SGCG: variants seen among roughly 807,000 people sequenced by gnomAD.
SGCG encodes gamma-sarcoglycan.
A neutral mutation model predicts 29.3 loss-of-function variants in SGCG; 26 were observed. The observed-to-expected ratio is 0.89, with a 90% CI of 0.65 to 1.23. The LOEUF is 1.23. Among genes scored for constraint, SGCG ranks in the 50% most tolerant of loss-of-function variants. The pLI, the probability that SGCG is intolerant of heterozygous loss-of-function variation, is 0.00. For synonymous variants in SGCG, 145 were observed against 129.7 expected (o/e 1.12, Z -0.80); for missense variants, 353 against 356.0 (o/e 0.99, Z 0.07).
intron 6 of SGCG, among the ~76,000 whole-genome samples, chr13:23,315,488 G>A (rs1359371746): frequency 6.6e-6 from 1 of 152,160 alleles, no homozygotes; most frequent in Admixed American, 6.5e-5. Flanking sequence ...ATGGCCTCAT[G>A]GGGAGTTCCC....
chr13:23,295,672 A>G (rs974249796), intron 6 of SGCG, among the ~76,000 whole-genome samples, 185 bp downstream of exon 6: 1 of 152,208 alleles, frequency 6.6e-6, no homozygotes, highest in Admixed American at 6.5e-5. Context: ...AAAAAGTCCT[A>G]CTGACTCCAC....
chr13:23,199,116 A>G (rs1185099305), intron 1 of SGCG, among the ~76,000 whole-genome samples: 1 of 152,090 alleles, frequency 6.6e-6, no homozygotes, highest in East Asian at 1.9e-4. Flanking sequence ...TCAAAAAAAA[A>G]AAAAAATTAA....
chr13:23,250,584 A>G, intron 3 of SGCG, 46 bp from the exon 4 acceptor site: 1 of 900,376 alleles, frequency 1.1e-6, no homozygotes, highest in Non-Finnish European at 1.9e-6. Context: ...AGATATAATC[A>G]TTTTAAACAG....
intron 4 of SGCG, among the ~76,000 whole-genome samples, chr13:23,277,663 A>C (rs904965012): frequency 1.2e-4 from 18 of 152,150 alleles, no homozygotes; most frequent in African/African-American, 4.1e-4. Context: ...ACACACAAAA[A>C]AAATTATAAC....
chr13:23,183,955 C>T (rs1593159265), intron 1 of SGCG, among the ~76,000 whole-genome samples: 1 of 152,238 alleles, frequency 6.6e-6, no homozygotes, highest in African/African-American at 2.4e-5. Flanking sequence ...CATGAGCCAC[C>T]ATGCCCAGCC....
chr13:23,305,593 C>T (rs756755166), intron 6 of SGCG, among the ~76,000 whole-genome samples: 11 of 152,206 alleles, frequency 7.2e-5, no homozygotes, highest in Non-Finnish European at 1.5e-5. Context: ...AGCATCACTG[C>T]CTTTTTCCAG....
chr13:23,322,764 AT>A (rs200989244), intron 7 of SGCG, among the ~76,000 whole-genome samples: 6 of 11,700 alleles, frequency 5.1e-4, no homozygotes, highest in African/African-American at 7.9e-4. Flanking sequence ...CCCCCCACCC[AT>A]CCACCTCCCC....
chr13:23,286,220 C>T (rs1234754016), intron 5 of SGCG, among the ~76,000 whole-genome samples: 2 of 152,194 alleles, frequency 1.3e-5, no homozygotes, highest in African/African-American at 4.8e-5. Flanking sequence ...CTCACCATTA[C>T]AGGACAGTAT....
At chr13:23,203,950 G>A (rs1877879778) in intron 2 of SGCG, 61 bp downstream of exon 2, 3 of 1,187,310 alleles carry the variant, frequency 2.5e-6, no homozygotes, top group East Asian at 2.3e-5. Flanking sequence ...CACTTAGTCT[G>A]TATTGTATTG....
chr13:23,188,394 C>G (rs1297848023), intron 1 of SGCG, among the ~76,000 whole-genome samples: 1 of 136,116 alleles, frequency 7.3e-6, no homozygotes, highest in African/African-American at 2.8e-5. Context: ...GGAGCGATCT[C>G]GGCTCACTGC....
chr13:23,173,810 G>A, the SGCG span, among the ~76,000 whole-genome samples: 2 of 152,180 alleles, frequency 1.3e-5, no homozygotes, highest in Non-Finnish European at 2.9e-5. Flanking sequence ...TCAGATGAAT[G>A]TAAAAGGAAA....
intron 6 of SGCG, among the ~76,000 whole-genome samples, chr13:23,301,394 C>G (rs1226979393): frequency 6.6e-6 from 1 of 151,906 alleles, no homozygotes; most frequent in Admixed American, 6.6e-5. Context: ...ATCACTGGCC[C>G]CCAGAACTTT....
At chr13:23,213,206 G>A (rs1458740982) in intron 2 of SGCG, among the ~76,000 whole-genome samples, 1 of 152,190 alleles carries the variant, frequency 6.6e-6, no homozygotes, top group Non-Finnish European at 1.5e-5. Context: ...GGGGCGTGGT[G>A]ACTCATGCCT....
rs1242941707 is a variant in SGCG at position 23,294,184 on chromosome 13, G to A, written c.506-1231G>A. On this transcript the variant is annotated intron_variant, in intron 5 of 7. Transcript: ENST00000218867. ...CCACAGCCTCTTAAGCCAAGGGTAG[G>A]ACCTGAGCCAGAGGTGGGACCCTAG... 3.3e-5 allele frequency among the ~76,000 whole-genome samples: 5 copies of A among 152,266 alleles called. No individual in the cohort carries two copies. In the South Asian group the frequency reaches 6.2e-4, roughly 19 times the overall value.
At chr13:23,222,697 G>A (rs537198720) in intron 2 of SGCG, among the ~76,000 whole-genome samples, 4 of 151,996 alleles carry the variant, frequency 2.6e-5, no homozygotes, top group Admixed American at 6.6e-5. Flanking sequence ...CGTAGATGGC[G>A]TGTGCCTGTA....
chr13:23,213,682 T>A lies in SGCG; in HGVS notation c.195+9793T>A, dbSNP rs572083301. Among the ~76,000 whole-genome samples, 169 of 152,368 alleles carry A rather than the reference T, an allele frequency of 1.1e-3. 2 individuals carry two copies. Among genetic ancestry groups the A allele is most frequent in the Non-Finnish European group, 1.1e-3 (72 of 68,030 alleles). On this transcript the variant is annotated intron_variant, in intron 2 of 7. Transcript: ENST00000218867. ...TCAGATTGGACAGATTTTATTTTTT[T>A]AAAAAACTTACTGTGATAGTTATTT...
chr13:23,295,342 AG>A (rs1427440425), intron 5 of SGCG, 72 bp from the exon 6 acceptor site: 1 of 1,170,036 alleles, frequency 8.5e-7, no homozygotes, highest in Non-Finnish European at 1.3e-6. Context: ...TTTAATATCT[AG>A]GCTAAATGTT....
intron 5 of SGCG, among the ~76,000 whole-genome samples, chr13:23,280,098 G>T (rs1296791082): frequency 3.3e-5 from 5 of 152,036 alleles, no homozygotes; most frequent in Non-Finnish European, 7.4e-5. Flanking sequence ...TGCAGTTCAA[G>T]TACCTGTTTC....
intron 5 of SGCG, among the ~76,000 whole-genome samples, chr13:23,293,952 G>C (rs970279749): frequency 6.6e-6 from 1 of 152,066 alleles, no homozygotes; most frequent in Non-Finnish European, 1.5e-5. Context: ...GTCCAATATT[G>C]AAACTAGTAC....
Sources: allele counts gnomAD v4.1 joint callset (sites outside exome capture counted in the v4.1 genomes callset), GRCh38; gene constraint gnomAD v4.1.1; transcripts MANE v1.5; gene names NCBI Gene and HGNC (gene_info 2026-07-23, HGNC 2026-07-21).